SPAG9: variants seen among roughly 807,000 people sequenced by gnomAD.
SPAG9 encodes the protein C-Jun-amino-terminal kinase-interacting protein 4.
SPAG9 carries 35 observed loss-of-function variants against 166.5 expected under a neutral mutation model. The observed-to-expected ratio is 0.21, with a 90% CI of 0.16 to 0.28. The LOEUF is 0.28. Among genes scored for constraint, SPAG9 ranks in the 10% least tolerant of loss-of-function variants. The probability of loss-of-function intolerance (pLI) is 1.00; values close to 1 mark genes in which losing one functional copy is unlikely to be tolerated. For missense variants in SPAG9, 1,235 were observed against 1,603.3 expected (o/e 0.77, Z 3.92); for synonymous variants, 534 against 565.5 (o/e 0.94, Z 0.79).
chr17:51,109,259 T>TG (rs2049037430), intron 1 of SPAG9, among the ~76,000 whole-genome samples: 2 of 151,666 alleles, frequency 1.3e-5, no homozygotes, highest in South Asian at 4.2e-4. Context: ...TTTTTTGAGA[T>TG]GGAGTCTTGC....
At chr17:51,073,382 C>T (rs922688903) in intron 2 of SPAG9, among the ~76,000 whole-genome samples, 9 of 151,550 alleles carry the variant, frequency 5.9e-5, no homozygotes, top group Admixed American at 5.9e-4. Context: ...CCCAGCTACT[C>T]GGAGCAGAGG....
intron 1 of SPAG9, among the ~76,000 whole-genome samples, chr17:51,096,124 T>C (rs1015659579): frequency 6.7e-6 from 1 of 148,852 alleles, no homozygotes; most frequent in Non-Finnish European, 1.5e-5. Flanking sequence ...GGTGGGTGGA[T>C]CATTTGAGGT....
chr17:51,074,393 G>A lies in SPAG9; in HGVS notation c.424+5191C>T, dbSNP rs115604211. Among the ~76,000 whole-genome samples the A allele has an allele frequency of 8.8e-3, 1,345 of 152,322 alleles. 16 individuals are homozygous for A. The highest frequency in any genetic ancestry group is 0.031 in the African/African-American group (1,305 of 41,574). ...AGATGGTGCTACTGCACTCCAGTCTGGGTGACAGAGCAAGGGTCCAGCTCA... is the reference window on the plus strand; with the variant it reads ...AGATGGTGCTACTGCACTCCAGTCTAGGTGACAGAGCAAGGGTCCAGCTCA... On this transcript the variant is annotated intron_variant, in intron 2 of 29. Coordinates refer to ENST00000262013, the MANE Select transcript of SPAG9 (RefSeq NM_001130528.3).
chr17:51,085,145 G>A (rs767604051), intron 1 of SPAG9, among the ~76,000 whole-genome samples: 2 of 152,172 alleles, frequency 1.3e-5, no homozygotes, highest in Non-Finnish European at 2.9e-5. Context: ...ACCGCACCCA[G>A]CCCAGAAATT....
rs1435912439 is a variant in SPAG9 at position 50,966,290 on chromosome 17, C to T, written c.3948G>A (p.Val1316=). The T allele has an allele frequency of 5.8e-5, 94 of 1,611,782 alleles. No homozygotes were observed. The highest frequency in any genetic ancestry group is 7.7e-5 in the Non-Finnish European group (91 of 1,178,032). ...AERSHLIVWQ[V]MYGNE ...CATGGGCTCACTCATTGCCATACAT[C>T]ACTTGCCACACTATCAAGTGACTCC... The change falls in exon 30 of 30, where the codon GTG becomes GTA. Residue 1316 remains valine, a synonymous_variant. Coordinates refer to ENST00000262013, the MANE Select transcript of SPAG9 (RefSeq NM_001130528.3).
Position 51,074,983 on chromosome 17 carries a change from G to T in SPAG9, c.424+4601C>A, listed in dbSNP as rs60420545. ...AGGCTGAGGCAGGTGGATCAACTGA[G>T]GTCAGGAGTTCAAGACCAGCCTGGC... On this transcript the variant is annotated intron_variant, in intron 2 of 29. Transcript: ENST00000262013. Among the ~76,000 whole-genome samples the T allele has an allele frequency of 7.9e-3, 1,197 of 151,780 alleles. 21 individuals carry two copies. The highest frequency in any genetic ancestry group is 0.028 in the African/African-American group (1,149 of 41,356).
chr17:51,020,169 T>C lies in SPAG9; in HGVS notation c.1081A>G (p.Lys361Glu). The change falls in exon 8 of 30, where the codon AAA becomes GAA. Residue 361 changes from lysine to glutamate, a missense_variant. Physicochemically the swap from Lys to Glu is moderately conservative, Grantham distance 56 (BLOSUM62 1). Around this residue, in one of 6 missense-constraint regions of SPAG9, gnomAD observed 288 missense variants for 323.7 expected, o/e 0.89. Transcript: ENST00000262013. Reference sequence around the variant, plus strand: ...TAACATTTATGTTACCTTGAACCTTTATATCCACTGAGATCTTTGTCCATA... The same window carrying C: ...TAACATTTATGTTACCTTGAACCTTCATATCCACTGAGATCTTTGTCCATA... The part of the protein sequence containing the change: ...LDMDKDLSGY[K>E]GSSTPTKGIE... 2 of 1,606,472 alleles carry C rather than the reference T, an allele frequency of 1.2e-6. No homozygotes were observed. The highest frequency in any genetic ancestry group is 1.7e-6 in the Non-Finnish European group (2 of 1,173,122).
At chr17:51,067,791 C>T (rs972301741) in intron 2 of SPAG9, among the ~76,000 whole-genome samples, 1 of 151,722 alleles carries the variant, frequency 6.6e-6, no homozygotes, top group African/African-American at 2.4e-5. Context: ...AAGACAAATC[C>T]AAAATTTCCC....
chr17:51,095,978 T>TATAGATATATAGTG (rs2048622915), intron 1 of SPAG9, among the ~76,000 whole-genome samples: 1 of 47,154 alleles, frequency 2.1e-5, no homozygotes, highest in Non-Finnish European at 4.6e-5. Context: ...TATAGTGATA[T>TATAGATATATAGTG]ATATATATAT....
At chr17:51,085,959 ATTTTT>A (rs34918673) in intron 1 of SPAG9, among the ~76,000 whole-genome samples, 17 of 88,074 alleles carry the variant, frequency 1.9e-4, no homozygotes, top group African/African-American at 5.9e-4. Flanking sequence ...CTTGGAAATC[ATTTTT>A]TTTTTTTTTT....
At chr17:51,092,979 G>A (rs910070036) in intron 1 of SPAG9, among the ~76,000 whole-genome samples, 2 of 148,728 alleles carry the variant, frequency 1.3e-5, no homozygotes, top group African/African-American at 5.0e-5. Flanking sequence ...TTGGCATTTT[G>A]TTGGTAACTG....
At chr17:51,102,394 ACT>A (rs1598185524) in intron 1 of SPAG9, among the ~76,000 whole-genome samples, 2 of 148,380 alleles carry the variant, frequency 1.3e-5, no homozygotes, top group African/African-American at 2.5e-5. Flanking sequence ...ACAGTGTGAG[ACT>A]CTGTCTGCAA....
chr17:51,056,345 A>C (rs2047362746), intron 3 of SPAG9, 67 bp downstream of exon 3: 1 of 869,678 alleles, frequency 1.1e-6, no homozygotes, highest in Non-Finnish European at 1.9e-6. Flanking sequence ...AAAAATTAAG[A>C]CATATTTTCT....
intron 28 of SPAG9, among the ~76,000 whole-genome samples, chr17:50,972,398 G>C (rs1973891532): frequency 6.6e-6 from 1 of 152,132 alleles, no homozygotes; most frequent in African/African-American, 2.4e-5. Flanking sequence ...GAAAATACAG[G>C]TTATTTTTAA....
intron 2 of SPAG9, among the ~76,000 whole-genome samples, chr17:51,076,992 A>AGC (rs756117502): frequency 5.6e-4 from 54 of 96,742 alleles, no homozygotes; most frequent in African/African-American, 1.7e-3. Context: ...TTATCTAGCT[A>AGC]TCTAGCTATC....
intron 2 of SPAG9, among the ~76,000 whole-genome samples, chr17:51,071,523 A>C (rs917853046): frequency 6.6e-6 from 1 of 152,218 alleles, no homozygotes; most frequent in African/African-American, 2.4e-5. Context: ...AAAAGTAAAA[A>C]AAATTTCTTA....
chr17:51,094,761 C>T (rs1398630966), intron 1 of SPAG9, among the ~76,000 whole-genome samples: 1 of 152,138 alleles, frequency 6.6e-6, no homozygotes, highest in Non-Finnish European at 1.5e-5. Context: ...GATAATATAT[C>T]TCTTAAGTCT....
chr17:51,068,256 A>T (rs938086125), intron 2 of SPAG9, among the ~76,000 whole-genome samples: 1 of 152,156 alleles, frequency 6.6e-6, no homozygotes, highest in Non-Finnish European at 1.5e-5. Flanking sequence ...ACCACATCAA[A>T]ACAGTAATAA....
chr17:51,077,005 G>GCTATCTAT (rs201838131), intron 2 of SPAG9, among the ~76,000 whole-genome samples: 2 of 92,526 alleles, frequency 2.2e-5, no homozygotes, highest in Non-Finnish European at 4.4e-5. Context: ...TAGCTATCTA[G>GCTATCTAT]CTAGCTAGCT....
Sources: allele counts gnomAD v4.1 joint callset (sites outside exome capture counted in the v4.1 genomes callset), GRCh38; gene constraint gnomAD v4.1.1; regional missense constraint gnomAD v4.1.1; transcripts MANE v1.5; gene names NCBI Gene and HGNC (gene_info 2026-07-23, HGNC 2026-07-21).